Variants in C10orf67 observed in about 807,000 individuals in gnomAD.
C10orf67 encodes chromosome 10 open reading frame 67.
Under a neutral mutation model 35.6 loss-of-function variants are expected in C10orf67, and 60 were observed. The observed-to-expected ratio is 1.68, with a 90% CI of 1.37 to 2.09. The LOEUF is 2.09. Among genes scored for constraint, C10orf67 ranks in the 30% most tolerant of loss-of-function variants. The pLI is 0.00. For synonymous variants in C10orf67, 167 were observed against 115.8 expected (o/e 1.44, Z -2.84); for missense variants, 474 against 330.2 (o/e 1.44, Z -3.38).
intron 15 of C10orf67, among the ~76,000 whole-genome samples, chr10:23,205,700 C>A (rs978176604): frequency 6.6e-6 from 1 of 152,100 alleles, no homozygotes; most frequent in Admixed American, 6.5e-5. Flanking sequence ...TAATACAACC[C>A]ATTAACAAAG....
At chr10:23,249,131 C>CAAAAAAAAAAAAAAAAAA (rs57702096) in intron 12 of C10orf67, among the ~76,000 whole-genome samples, 3 of 21,548 alleles carry the variant, frequency 1.4e-4, no homozygotes, top group East Asian at 2.9e-3. Context: ...AACTCCCTCT[C>CAAAAAAAAAAAAAAAAAA]AAAAAAAAAA....
At chr10:23,246,554 AG>A (rs1219207185) in intron 12 of C10orf67, among the ~76,000 whole-genome samples, 2 of 152,198 alleles carry the variant, frequency 1.3e-5, no homozygotes, top group African/African-American at 4.8e-5. Context: ...GGAATGAAAA[AG>A]GGACATCACC....
At chr10:23,289,613 A>T (rs1412350661) in intron 7 of C10orf67, among the ~76,000 whole-genome samples, 3 of 152,212 alleles carry the variant, frequency 2.0e-5, no homozygotes, top group African/African-American at 7.2e-5. Flanking sequence ...CCTTAACTGC[A>T]AGCTCATCTT....
At chr10:23,224,601 A>C (rs1424637310) in intron 13 of C10orf67, among the ~76,000 whole-genome samples, 1 of 152,202 alleles carries the variant, frequency 6.6e-6, no homozygotes, top group Admixed American at 6.5e-5. Flanking sequence ...GGAAGTTAGA[A>C]CCCATCGCAA....
intron 13 of C10orf67, among the ~76,000 whole-genome samples, chr10:23,230,761 A>G (rs1841885829): frequency 6.6e-6 from 1 of 152,186 alleles, no homozygotes; most frequent in African/African-American, 2.4e-5. Context: ...ACATACACGT[A>G]AACTCCAAAA....
At chr10:23,255,238 G>T (rs574799345) in intron 10 of C10orf67, among the ~76,000 whole-genome samples, 33 of 152,126 alleles carry the variant, frequency 2.2e-4, no homozygotes, top group Non-Finnish European at 4.4e-4. Context: ...CATGACGGGG[G>T]CCAAAAATCA....
chr10:23,208,456 A>C (rs907231846), intron 15 of C10orf67, among the ~76,000 whole-genome samples: 1 of 152,230 alleles, frequency 6.6e-6, no homozygotes, highest in Non-Finnish European at 1.5e-5. Context: ...TTCCGCAGAA[A>C]TGGTGAAAAA....
At chr10:23,303,272 T>TA (rs544158604) in intron 5 of C10orf67, 32 bp downstream of exon 5, 80 of 494,500 alleles carry the variant, frequency 1.6e-4, no homozygotes, top group African/African-American at 1.5e-3. Flanking sequence ...TTATGTATAT[T>TA]AAAATTAATT....
chr10:23,342,568 AT>A (rs71504899), intron 1 of C10orf67, among the ~76,000 whole-genome samples: 53 of 150,944 alleles, frequency 3.5e-4, no homozygotes, highest in African/African-American at 1.0e-3. Context: ...TGGCAAGTGC[AT>A]TTTTTTTTGG....
chr10:23,244,255 T>C (rs1259872349), intron 12 of C10orf67, among the ~76,000 whole-genome samples: 1 of 152,190 alleles, frequency 6.6e-6, no homozygotes, highest in Non-Finnish European at 1.5e-5. Flanking sequence ...AAATATTTTG[T>C]TTGAGTGATA....
chr10:23,330,028 A>G (rs1845384988), intron 2 of C10orf67, among the ~76,000 whole-genome samples: 1 of 152,168 alleles, frequency 6.6e-6, no homozygotes, highest in Admixed American at 6.5e-5. Flanking sequence ...GTGCATGATC[A>G]TCTCAATAAG....
chr10:23,270,061 T>C lies in C10orf67; in HGVS notation c.976-2807A>G, dbSNP rs191085832. Among the ~76,000 whole-genome samples, 329 of 152,260 alleles carry C rather than the reference T, an allele frequency of 2.2e-3. 3 individuals carry two copies. Among genetic ancestry groups the C allele is most frequent in the African/African-American group, 7.7e-3 (319 of 41,562 alleles). On this transcript the variant is annotated intron_variant, in intron 8 of 15. Transcript: ENST00000636213. ...TTCAAGTATATGTAATACTGTCCCA[T>C]GAAAGACTATATACTGGGGGAGGGG... is the stretch of plus-strand genomic sequence containing the variant.
chr10:23,321,364 T>TA lies in C10orf67; in HGVS notation c.472-550dup, dbSNP rs140694638. On this transcript the variant is annotated intron_variant, in intron 3 of 15. Transcript: ENST00000636213. ...ACAAGAAATAGGCTTTATACTTTTC[T>TA]AAAAAAAATTTGTTTTTTAATTTAT... Among the ~76,000 whole-genome samples the TA allele has an allele frequency of 3.0e-3, 456 of 152,304 alleles. 14 individuals are homozygous for TA. The East Asian group carries it at 0.049, about 17-fold the overall frequency.
In C10orf67 at chr10:23,246,642, T is replaced by G. The variant is rs368562218; in HGVS notation, c.1346+3813A>C. Among the ~76,000 whole-genome samples, 31 of 152,268 alleles carry G rather than the reference T, an allele frequency of 2.0e-4. No individual in the cohort carries two copies. In the South Asian group the frequency reaches 4.4e-3, roughly 21 times the overall value. On this transcript the variant is annotated intron_variant, in intron 12 of 15. Coordinates refer to ENST00000636213, the MANE Select transcript of C10orf67 (RefSeq NM_001371909.1). ...GACTGCATATACAATGGTGGTCCCA[T>G]AAGATTATAATGGAGCTGAAAAGTT... is the stretch of plus-strand genomic sequence containing the variant.
At chr10:23,343,979 G>A (rs1191801136) in intron 1 of C10orf67, 7 of 457,406 alleles carry the variant, frequency 1.5e-5, no homozygotes, top group Non-Finnish European at 3.2e-5. Flanking sequence ...TCTGTCTCAG[G>A]CGAGTCGCCC....
chr10:23,341,361 C>G (rs1427847378), intron 1 of C10orf67, among the ~76,000 whole-genome samples: 1 of 152,162 alleles, frequency 6.6e-6, no homozygotes, highest in African/African-American at 2.4e-5. Flanking sequence ...TTATCCTCCC[C>G]ATCCGGGTTA....
chr10:23,222,898 T>A (rs1302464090), intron 15 of C10orf67, among the ~76,000 whole-genome samples: 1 of 152,094 alleles, frequency 6.6e-6, no homozygotes, highest in Admixed American at 6.6e-5. Context: ...GCTCCTGGAC[T>A]CAAGCATCCC....
At chr10:23,309,650 G>C (rs755095320) in intron 4 of C10orf67, among the ~76,000 whole-genome samples, 3 of 152,114 alleles carry the variant, frequency 2.0e-5, no homozygotes, top group Non-Finnish European at 2.9e-5. Context: ...GTTCTGACTG[G>C]TGCCAAGTCA....
chr10:23,240,205 A>G (rs1350711791), intron 12 of C10orf67, among the ~76,000 whole-genome samples: 1 of 151,904 alleles, frequency 6.6e-6, no homozygotes, highest in Non-Finnish European at 1.5e-5. Flanking sequence ...AAAACCAAAA[A>G]CCACACACAC....
Sources: allele counts gnomAD v4.1 joint callset (sites outside exome capture counted in the v4.1 genomes callset), GRCh38; gene constraint gnomAD v4.1.1; transcripts MANE v1.5; gene names NCBI Gene and HGNC (gene_info 2026-07-23, HGNC 2026-07-21).